SCFD2: variants seen among roughly 807,000 people sequenced by gnomAD.
The protein encoded by SCFD2 is sec1 family domain-containing protein 2.
SCFD2 carries 54 observed loss-of-function variants against 58.9 expected under a neutral mutation model. The observed-to-expected ratio is 0.92, with a 90% confidence interval of 0.74 to 1.15. The LOEUF (loss-of-function observed/expected upper bound fraction) is 1.15, where lower values mean the gene tolerates loss of function less well. Ranked by LOEUF, SCFD2 falls within the 50% of genes most tolerant of loss-of-function variation. SCFD2 has a pLI of 0.00. For synonymous variants in SCFD2, 321 were observed against 335.9 expected, an observed-to-expected ratio of 0.96 and a Z score of 0.49; for missense variants, 805 against 836.6, an observed-to-expected ratio of 0.96 and a Z score of 0.47.
At position 53,286,692 on chromosome 4, in the gene SCFD2, C is replaced by T. The variant is rs563836532; in HGVS notation, c.1136-12691G>A. Among the ~76,000 whole-genome samples the T allele has an allele frequency of 7.0e-4, 107 of 152,298 alleles. No individual in the cohort carries two copies. In the Middle Eastern group the frequency reaches 0.02, roughly 29 times the overall value. ...CTGAGCTGTGGCACCCTACTCTGGG[C>T]CAGTCACAGCACCCTGACTCCCTGG... On this transcript the variant is annotated intron_variant, in intron 3 of 8. Coordinates refer to ENST00000401642, the MANE Select transcript of SCFD2 (RefSeq NM_152540.4).
chr4:52,972,633 C>T (rs951965133), intron 5 of SCFD2, among the ~76,000 whole-genome samples: 1 of 152,092 alleles, frequency 6.6e-6, no homozygotes, highest in African/African-American at 2.4e-5. Flanking sequence ...ACAAGGATAT[C>T]CAAGAATTGA....
intron 5 of SCFD2, among the ~76,000 whole-genome samples, chr4:53,104,009 GGAGAA>G (rs957465605): frequency 4.0e-5 from 6 of 151,886 alleles, no homozygotes; most frequent in Non-Finnish European, 7.4e-5. Flanking sequence ...GTAAATAAAG[GGAGAA>G]GAGAAAACTA....
At chr4:53,297,588 T>G (rs1038119022) in intron 3 of SCFD2, among the ~76,000 whole-genome samples, 2 of 152,166 alleles carry the variant, frequency 1.3e-5, no homozygotes, top group Non-Finnish European at 2.9e-5. Context: ...GGCACAACAA[T>G]GGCTCTTGAC....
intron 2 of SCFD2, among the ~76,000 whole-genome samples, chr4:53,334,102 C>T (rs899583264): frequency 5.3e-5 from 8 of 152,154 alleles, no homozygotes; most frequent in Non-Finnish European, 1.2e-4. Flanking sequence ...CAGGAAACAA[C>T]ACGTGCTGGA....
intron 5 of SCFD2, among the ~76,000 whole-genome samples, chr4:53,018,685 T>C (rs556778918): frequency 3.3e-5 from 5 of 152,250 alleles, no homozygotes; most frequent in Admixed American, 6.5e-5. Context: ...ACCCAGCATA[T>C]CAACCCTGAA....
intron 5 of SCFD2, among the ~76,000 whole-genome samples, chr4:53,099,710 C>T (rs1724775757): frequency 1.3e-5 from 2 of 152,118 alleles, no homozygotes; most frequent in South Asian, 4.1e-4. Context: ...GTACTTACTC[C>T]CCCTACCCAC....
intron 5 of SCFD2, among the ~76,000 whole-genome samples, chr4:53,087,448 C>G (rs1724339252): frequency 3.3e-5 from 5 of 152,134 alleles, no homozygotes; most frequent in Admixed American, 3.3e-4. Flanking sequence ...ATTCTCCTGC[C>G]TCAGCCTCCC....
intron 5 of SCFD2, among the ~76,000 whole-genome samples, chr4:52,973,739 C>T (rs900553236): frequency 6.6e-5 from 10 of 152,226 alleles, no homozygotes; most frequent in African/African-American, 2.4e-4. Flanking sequence ...AGACCAATAT[C>T]CCTGATGAAC....
intron 5 of SCFD2, among the ~76,000 whole-genome samples, chr4:53,054,546 A>T (rs570807012): frequency 6.6e-6 from 1 of 152,144 alleles, no homozygotes; most frequent in Non-Finnish European, 1.5e-5. Context: ...ATTTTAACTA[A>T]TGTTTCATTT....
At chr4:53,140,710 A>T (rs1465581519) in intron 5 of SCFD2, among the ~76,000 whole-genome samples, 1 of 152,178 alleles carries the variant, frequency 6.6e-6, no homozygotes. Flanking sequence ...ATGGTTGAGC[A>T]TGCACGGCAT....
At chr4:52,897,986 G>A (rs1719070529) in intron 7 of SCFD2, among the ~76,000 whole-genome samples, 1 of 152,166 alleles carries the variant, frequency 6.6e-6, no homozygotes, top group South Asian at 2.1e-4. Flanking sequence ...GTATTTCTGT[G>A]GGATTGGTGG....
intron 3 of SCFD2, among the ~76,000 whole-genome samples, chr4:53,301,661 T>G (rs1732302817): frequency 6.6e-6 from 1 of 152,182 alleles, no homozygotes; most frequent in Non-Finnish European, 1.5e-5. Context: ...AAGGGAATTT[T>G]AGACCAATAT....
At chr4:53,247,278 A>G (rs1056075355) in intron 4 of SCFD2, among the ~76,000 whole-genome samples, 2 of 152,232 alleles carry the variant, frequency 1.3e-5, no homozygotes, top group African/African-American at 4.8e-5. Context: ...TGTGCAGAAA[A>G]TGGAACACTT....
chr4:53,173,482 G>C (rs1398593783), intron 4 of SCFD2, among the ~76,000 whole-genome samples: 1 of 146,354 alleles, frequency 6.8e-6, no homozygotes, highest in Non-Finnish European at 1.5e-5. Flanking sequence ...TTAAAAGTGA[G>C]GTAAGTCTCT....
chr4:52,965,386 A>G (rs541428901), intron 5 of SCFD2, among the ~76,000 whole-genome samples: 1 of 151,940 alleles, frequency 6.6e-6, no homozygotes, highest in Admixed American at 6.5e-5. Flanking sequence ...CCCCTAACCA[A>G]TGCCCATTTC....
chr4:53,324,661 G>A (rs1733129954), intron 2 of SCFD2, among the ~76,000 whole-genome samples: 1 of 152,092 alleles, frequency 6.6e-6, no homozygotes. Flanking sequence ...CAGGCTGAGG[G>A]GGCTTAGGAT....
At chr4:53,146,573 C>T (rs1261858809) in intron 4 of SCFD2, among the ~76,000 whole-genome samples, 2 of 152,204 alleles carry the variant, frequency 1.3e-5, no homozygotes, top group South Asian at 2.1e-4. Flanking sequence ...TACAGCAGTG[C>T]ACAAAACAAA....
intron 5 of SCFD2, among the ~76,000 whole-genome samples, chr4:53,140,392 A>AAAAAATATATATATATATAT (rs369140110): frequency 1.0e-5 from 1 of 97,496 alleles, no homozygotes; most frequent in African/African-American, 4.2e-5. Flanking sequence ...CAAAAATGCT[A>AAAAAATATATATATATATAT]ATATATATAT....
chr4:53,342,677 A>T (rs562341658), intron 2 of SCFD2, among the ~76,000 whole-genome samples: 1 of 152,340 alleles, frequency 6.6e-6, no homozygotes, highest in East Asian at 1.9e-4. Context: ...ACCATATTGC[A>T]CTTATTCCAA....
Sources: allele counts gnomAD v4.1 joint callset (sites outside exome capture counted in the v4.1 genomes callset), GRCh38; gene constraint gnomAD v4.1.1; transcripts MANE v1.5; gene names NCBI Gene and HGNC (gene_info 2026-07-23, HGNC 2026-07-21).